GRM8: variants seen among roughly 807,000 people sequenced by gnomAD.
The protein encoded by GRM8 is glutamate metabotropic receptor 8.
In GRM8, 47 loss-of-function variants were observed where a neutral mutation model predicts 87.2. The observed-to-expected ratio is 0.54, with a 90% CI of 0.43 to 0.69. The LOEUF (loss-of-function observed/expected upper bound fraction) is 0.69, where lower values mean the gene tolerates loss of function less well. GRM8 is among the 30% of genes least tolerant of loss of function. GRM8 has a pLI of 0.00. For synonymous variants in GRM8, 396 were observed against 404.5 expected (o/e 0.98, Z 0.25); for missense variants, 1,019 against 1,139.2 (o/e 0.89, Z 1.52).
chr7:126,699,653 A>G (rs1358801186), intron 7 of GRM8, among the ~76,000 whole-genome samples: 1 of 151,962 alleles, frequency 6.6e-6, no homozygotes, highest in Non-Finnish European at 1.5e-5. Context: ...CCACCCCTGG[A>G]GCAATGGGAA....
intron 6 of GRM8, among the ~76,000 whole-genome samples, chr7:126,828,666 G>A (rs1795057123): frequency 6.6e-6 from 1 of 152,086 alleles, no homozygotes; most frequent in South Asian, 2.1e-4. Context: ...CCAGCTCCTG[G>A]ATTCATTAAT....
At chr7:127,083,779 A>T (rs1342431513) in intron 3 of GRM8, among the ~76,000 whole-genome samples, 3 of 152,106 alleles carry the variant, frequency 2.0e-5, no homozygotes, top group Non-Finnish European at 4.4e-5. Context: ...CGGCTCAAAC[A>T]CCATTATTGT....
At position 126,454,059 on chromosome 7, in the gene GRM8, G is replaced by A. The variant is rs1368139829; in HGVS notation, c.2431-7687C>T. Among the ~76,000 whole-genome samples the A allele has an allele frequency of 2.0e-5, 3 of 151,316 alleles. No individual in the cohort carries two copies. In the East Asian group the frequency reaches 5.9e-4, roughly 30 times the overall value. ...TGTCTTTAATTATTATCATTTGAACGGATATCAAAATATAATAATATTTTC... is the reference window on the plus strand; with the variant it reads ...TGTCTTTAATTATTATCATTTGAACAGATATCAAAATATAATAATATTTTC... On this transcript the variant is annotated intron_variant, in intron 9 of 10. Coordinates refer to ENST00000339582, the MANE Select transcript of GRM8 (RefSeq NM_000845.3).
chr7:126,659,989 T>C (rs1017980050), intron 7 of GRM8, among the ~76,000 whole-genome samples: 1 of 152,180 alleles, frequency 6.6e-6, no homozygotes, highest in African/African-American at 2.4e-5. Flanking sequence ...TAAAATATCA[T>C]TGATTTGTCT....
In GRM8 at chr7:126,855,204, T is replaced by C. The variant is rs114419875; in HGVS notation, c.1156+47338A>G. Among the ~76,000 whole-genome samples the C allele has an allele frequency of 6.1e-3, 933 of 152,330 alleles. 13 individuals carry two copies. The highest frequency in any genetic ancestry group is 0.021 in the African/African-American group (883 of 41,574). On this transcript the variant is annotated intron_variant, in intron 6 of 10. Coordinates refer to ENST00000339582, the MANE Select transcript of GRM8 (RefSeq NM_000845.3). ...GTATTTCTTATTTTTTTCTTACTCA[T>C]AATAGTTGTACCTTAATTCTTGACT...
chr7:127,243,198 A>T lies in GRM8; in HGVS notation c.7T>A (p.Cys3Ser). Reference sequence around the variant, plus strand: ...CAAGAGGCTGATCGCTTTCCCTCGCATACCATTTTCTCCACAGGTGGTATT... The same window carrying T: ...CAAGAGGCTGATCGCTTTCCCTCGCTTACCATTTTCTCCACAGGTGGTATT... MVCEGKRSASCPC... is the reference protein window; with the variant it reads MVSEGKRSASCPC... Residue 3 changes from cysteine (C) to serine (S), a missense_variant, in exon 2 of 11, where the codon TGC becomes AGC. Transcript: ENST00000339582. 6.2e-7 allele frequency: 1 copy of T among 1,604,616 alleles called. No individual in the cohort carries two copies. Among genetic ancestry groups the T allele is most frequent in the Non-Finnish European group, 8.5e-7 (1 of 1,179,002 alleles).
At chr7:127,074,055 T>C (rs1273535266) in intron 3 of GRM8, among the ~76,000 whole-genome samples, 2 of 152,226 alleles carry the variant, frequency 1.3e-5, no homozygotes. Context: ...CAAATTGCTG[T>C]AATGTGTTTT....
intron 6 of GRM8, among the ~76,000 whole-genome samples, chr7:126,774,104 T>C (rs1287916376): frequency 3.3e-5 from 5 of 152,176 alleles, no homozygotes; most frequent in Non-Finnish European, 5.9e-5. Flanking sequence ...TAAATCAACA[T>C]AAGCATATGG....
intron 7 of GRM8, among the ~76,000 whole-genome samples, chr7:126,728,890 C>A (rs1431097975): frequency 1.3e-5 from 2 of 152,176 alleles, no homozygotes; most frequent in African/African-American, 4.8e-5. Flanking sequence ...ATGTCAGACA[C>A]TCTTCTAGCC....
intron 6 of GRM8, chr7:126,869,603 C>T (rs1798907069): frequency 6.6e-6 from 1 of 152,138 alleles, no homozygotes; most frequent in South Asian, 2.1e-4. Flanking sequence ...TTGTACACTT[C>T]CATCAGAGCT....
chr7:126,563,394 T>A (rs534297692), intron 8 of GRM8, among the ~76,000 whole-genome samples: 1 of 152,184 alleles, frequency 6.6e-6, no homozygotes, highest in South Asian at 2.1e-4. Flanking sequence ...TGAGTAGGAT[T>A]TTTCCTTTAC....
At chr7:126,469,710 C>A (rs1231388562) in intron 9 of GRM8, among the ~76,000 whole-genome samples, 1 of 152,170 alleles carries the variant, frequency 6.6e-6, no homozygotes, top group Non-Finnish European at 1.5e-5. Flanking sequence ...CCCTCCCAGC[C>A]ATACTGAACT....
chr7:126,842,592 A>G (rs538956466), intron 6 of GRM8, among the ~76,000 whole-genome samples: 1 of 152,332 alleles, frequency 6.6e-6, no homozygotes, highest in Admixed American at 6.5e-5. Flanking sequence ...ATTTAAAATA[A>G]GAAGATTACC....
chr7:126,705,191 G>T lies in GRM8; in HGVS notation c.1357+64674C>A, dbSNP rs941758538. On this transcript the variant is annotated intron_variant, in intron 7 of 10. Coordinates refer to ENST00000339582, the MANE Select transcript of GRM8 (RefSeq NM_000845.3). ...AGGTTCCCCAATAATCAGTAGCCCT[G>T]AGACTATAAGTTGAAGTCTGCTTAC... Among the ~76,000 whole-genome samples, 3 of 152,100 alleles carry T rather than the reference G, an allele frequency of 2.0e-5. No individual in the cohort carries two copies. The South Asian group carries it at 6.2e-4, about 31-fold the overall frequency.
chr7:127,108,268 C>G (rs1826005687), intron 2 of GRM8, among the ~76,000 whole-genome samples: 2 of 152,168 alleles, frequency 1.3e-5, no homozygotes, highest in South Asian at 4.1e-4. Context: ...CTCACCTTTT[C>G]TTGTTTGTTT....
In GRM8 at chr7:126,439,966, T is replaced by C. The variant is rs375501369; in HGVS notation, c.2678-798A>G. Among the ~76,000 whole-genome samples the C allele has an allele frequency of 4.7e-4, 72 of 152,134 alleles. 3 individuals are homozygous for C. The highest frequency in any genetic ancestry group is 1.6e-3 in the African/African-American group (67 of 41,542). ...GAAAATATTTTTTATAGCTGGACAATGTGTTTGTGTTTTAAGTTTTTATTA... is the reference window on the plus strand; with the variant it reads ...GAAAATATTTTTTATAGCTGGACAACGTGTTTGTGTTTTAAGTTTTTATTA... On this transcript the variant is annotated intron_variant, in intron 10 of 10. Coordinates refer to ENST00000339582, the MANE Select transcript of GRM8 (RefSeq NM_000845.3).
intron 3 of GRM8, among the ~76,000 whole-genome samples, chr7:126,940,592 T>C (rs1806812955): frequency 6.6e-6 from 1 of 152,166 alleles, no homozygotes; most frequent in African/African-American, 2.4e-5. Context: ...GTTGTCACCA[T>C]GTAGACAAGA....
chr7:127,217,133 G>A (rs1405748714), intron 2 of GRM8, among the ~76,000 whole-genome samples: 2 of 152,190 alleles, frequency 1.3e-5, no homozygotes, highest in Admixed American at 6.5e-5. Context: ...ATGGATAAAT[G>A]GTCAGTGATG....
Position 127,194,516 on chromosome 7 carries a change from A to C in GRM8, c.510+48179T>G, listed in dbSNP as rs534525312. Among the ~76,000 whole-genome samples, 4 of 152,330 alleles carry C rather than the reference A, an allele frequency of 2.6e-5. No individual in the cohort carries two copies. In the East Asian group the frequency reaches 7.7e-4, roughly 29 times the overall value. On this transcript the variant is annotated intron_variant, in intron 2 of 10. Coordinates refer to ENST00000339582, the MANE Select transcript of GRM8 (RefSeq NM_000845.3). ...AAGATTAATTTGCTCCTTCTGCATA[A>C]TAATGAAAGGACAAGGTACCTTGCG...
Sources: allele counts gnomAD v4.1 joint callset (sites outside exome capture counted in the v4.1 genomes callset), GRCh38; gene constraint gnomAD v4.1.1; transcripts MANE v1.5; gene names NCBI Gene and HGNC (gene_info 2026-07-23, HGNC 2026-07-21).